The following PEX14 variants were observed in gnomAD, a reference collection of about 807,000 sequenced individuals.
PEX14 encodes peroxisomal biogenesis factor 14.
Under a neutral mutation model 49.5 loss-of-function variants are expected in PEX14, and 15 were observed. The observed-to-expected ratio is 0.30, with a 90% CI of 0.20 to 0.47. The LOEUF (loss-of-function observed/expected upper bound fraction) is 0.47. Ranked by LOEUF, PEX14 falls within the 20% of genes least tolerant of loss-of-function variation. The pLI, the probability that PEX14 is intolerant of heterozygous loss-of-function variation, is 1.00. For missense variants in PEX14, 398 were observed against 494.8 expected (o/e 0.80, Z 1.86); for synonymous variants, 210 against 212.7 (o/e 0.99, Z 0.11).
chr1:10,557,443 A>G (rs1172735499), intron 3 of PEX14, among the ~76,000 whole-genome samples: 3 of 152,132 alleles, frequency 2.0e-5, no homozygotes, highest in African/African-American at 4.8e-5. Context: ...AAAAATAGCC[A>G]GCTGTGGTGG....
At chr1:10,530,687 C>T (rs1172969275) in intron 2 of PEX14, among the ~76,000 whole-genome samples, 1 of 152,244 alleles carries the variant, frequency 6.6e-6, no homozygotes, top group Non-Finnish European at 1.5e-5. Flanking sequence ...CTATTGGGCC[C>T]TTGGCGTCCC....
intron 2 of PEX14, among the ~76,000 whole-genome samples, chr1:10,519,700 CTAACT>C (rs1204772152): frequency 1.3e-5 from 2 of 152,344 alleles, no homozygotes; most frequent in South Asian, 4.1e-4. Context: ...TCTCAGCTAC[CTAACT>C]TTTCTTTCCC....
In PEX14 at chr1:10,547,422, G is replaced by A. The variant is rs539334483; in HGVS notation, c.169+11125G>A. 4.7e-4 allele frequency among the ~76,000 whole-genome samples: 72 copies of A among 152,286 alleles called. 1 individual carries two copies. Among genetic ancestry groups the A allele is most frequent in the Middle Eastern group, 6.8e-3 (2 of 294 alleles). ...AGAACTCTAGCTGCCATGGAGGGAAGCATTTTGTGCAATATGGCGCAAATT... is the reference window on the plus strand; with the variant it reads ...AGAACTCTAGCTGCCATGGAGGGAAACATTTTGTGCAATATGGCGCAAATT... On this transcript the variant is annotated intron_variant, in intron 3 of 8. Coordinates refer to ENST00000356607, the MANE Select transcript of PEX14 (RefSeq NM_004565.3).
At chr1:10,533,942 G>T (rs1638723033) in intron 2 of PEX14, among the ~76,000 whole-genome samples, 1 of 152,196 alleles carries the variant, frequency 6.6e-6, no homozygotes, top group Admixed American at 6.5e-5. Flanking sequence ...TTTGCTCTCT[G>T]ACCAGAAATG....
intron 2 of PEX14, among the ~76,000 whole-genome samples, chr1:10,532,443 G>A (rs1406541213): frequency 2.0e-5 from 3 of 152,086 alleles, no homozygotes; most frequent in African/African-American, 7.2e-5. Flanking sequence ...GGAGTTTGTT[G>A]TCTTTATTTT....
intron 3 of PEX14, among the ~76,000 whole-genome samples, chr1:10,552,103 T>C (rs1186608292): frequency 1.3e-5 from 2 of 151,598 alleles, no homozygotes; most frequent in Non-Finnish European, 2.9e-5. Context: ...AAAAAAAAAA[T>C]AAGTTATACT....
At chr1:10,526,825 G>T (rs553010258) in intron 2 of PEX14, among the ~76,000 whole-genome samples, 3 of 152,130 alleles carry the variant, frequency 2.0e-5, no homozygotes, top group Non-Finnish European at 4.4e-5. Context: ...TCAGATTAGG[G>T]ATGCTCATCC....
At chr1:10,586,110 T>G (rs1640477149) in intron 3 of PEX14, among the ~76,000 whole-genome samples, 1 of 152,232 alleles carries the variant, frequency 6.6e-6, no homozygotes. Context: ...TTTCTCCATG[T>G]TTGGTAGTAC....
At chr1:10,543,299 TA>T (rs1295478222) in intron 3 of PEX14, among the ~76,000 whole-genome samples, 2 of 151,968 alleles carry the variant, frequency 1.3e-5, no homozygotes, top group African/African-American at 4.8e-5. Flanking sequence ...CGCACCCAGC[TA>T]ATTTTTGTAG....
Position 10,599,326 on chromosome 1 carries a change from G to C in PEX14, c.258G>C (p.Val86=). 1 of 1,614,150 alleles carries C rather than the reference G, an allele frequency of 6.2e-7. No homozygotes were observed. Among genetic ancestry groups the C allele is most frequent in the Non-Finnish European group, 8.5e-7 (1 of 1,179,998 alleles). ...CGTCCTTGGGCCCAGCCACACAGGT[G>C]GTTCCTGTCCAGCCCCCTCACCTCA... ...EPSSLGPATQ[V]VPVQPPHLIS... is the part of the protein sequence containing the mutation. Residue 86 remains valine, a synonymous_variant, in exon 4 of 9, where the codon GTG becomes GTC. Coordinates refer to ENST00000356607, the MANE Select transcript of PEX14 (RefSeq NM_004565.3).
At chr1:10,600,388 T>C (rs1180094660) in intron 4 of PEX14, among the ~76,000 whole-genome samples, 1 of 151,854 alleles carries the variant, frequency 6.6e-6, no homozygotes, top group Non-Finnish European at 1.5e-5. Flanking sequence ...GCCACTGCAC[T>C]CCAGACTGGG....
At chr1:10,607,190 G>A (rs1305097296) in intron 4 of PEX14, among the ~76,000 whole-genome samples, 1 of 151,704 alleles carries the variant, frequency 6.6e-6, no homozygotes, top group African/African-American at 2.4e-5. Context: ...TAGTGTTGCC[G>A]AGATTCACCC....
At chr1:10,552,298 T>G (rs2124512599) in intron 3 of PEX14, among the ~76,000 whole-genome samples, 1 of 151,558 alleles carries the variant, frequency 6.6e-6, no homozygotes, top group Admixed American at 6.6e-5. Context: ...AAAAATTAGC[T>G]GGGCATGGTG....
At chr1:10,497,749 G>A (rs1641595158) in intron 2 of PEX14, among the ~76,000 whole-genome samples, 1 of 152,198 alleles carries the variant, frequency 6.6e-6, no homozygotes, top group African/African-American at 2.4e-5. Flanking sequence ...CTTGAGGAAT[G>A]GGATATTTCA....
intron 1 of PEX14, among the ~76,000 whole-genome samples, chr1:10,476,960 G>A (rs1342554987): frequency 6.6e-6 from 1 of 152,124 alleles, no homozygotes; most frequent in Admixed American, 6.6e-5. Flanking sequence ...AGGGGGCATG[G>A]CCATCACTTG....
chr1:10,609,660 G>C (rs190434209), intron 4 of PEX14, among the ~76,000 whole-genome samples: 2 of 152,094 alleles, frequency 1.3e-5, no homozygotes, highest in African/African-American at 4.8e-5. Flanking sequence ...TGAGGAGGGC[G>C]GATCACCTGA....
chr1:10,571,531 G>A (rs149284571), intron 3 of PEX14, among the ~76,000 whole-genome samples: 11 of 152,014 alleles, frequency 7.2e-5, no homozygotes, highest in Non-Finnish European at 8.8e-5. Flanking sequence ...AAGATGGGCC[G>A]GGCACAGTGC....
At chr1:10,564,794 A>C (rs1455182784) in intron 3 of PEX14, among the ~76,000 whole-genome samples, 1 of 151,676 alleles carries the variant, frequency 6.6e-6, no homozygotes, top group African/African-American at 2.4e-5. Context: ...GTTTCATTGA[A>C]TATATTAATT....
At chr1:10,605,798 T>A (rs982310742) in intron 4 of PEX14, among the ~76,000 whole-genome samples, 1 of 152,236 alleles carries the variant, frequency 6.6e-6, no homozygotes, top group African/African-American at 2.4e-5. Flanking sequence ...TACTGGTTTG[T>A]ATATGAAGAA....
Sources: allele counts gnomAD v4.1 joint callset (sites outside exome capture counted in the v4.1 genomes callset), GRCh38; gene constraint gnomAD v4.1.1; transcripts MANE v1.5; gene names NCBI Gene and HGNC (gene_info 2026-07-23, HGNC 2026-07-21).